The following LMTK2 variants were observed in gnomAD, a reference collection of about 807,000 sequenced individuals.
LMTK2 encodes serine/threonine-protein kinase LMTK2.
Under a neutral mutation model 127.5 loss-of-function variants are expected in LMTK2, and 37 were observed. That is an observed-to-expected ratio of 0.29 (90% CI 0.22 to 0.38). The LOEUF (loss-of-function observed/expected upper bound fraction) is 0.38, where lower values mean the gene tolerates loss of function less well. Among genes scored for constraint, LMTK2 ranks in the 10% least tolerant of loss-of-function variants. LMTK2 has a pLI of 1.00. For synonymous variants in LMTK2, 819 were observed against 810.1 expected (o/e 1.01, Z -0.19); for missense variants, 1,694 against 1,920.3 (o/e 0.88, Z 2.20).
intron 11 of LMTK2, among the ~76,000 whole-genome samples, chr7:98,202,760 T>G (rs1047287702): frequency 6.6e-6 from 1 of 152,150 alleles, no homozygotes; most frequent in South Asian, 2.1e-4. Flanking sequence ...CAGAGTCAGA[T>G]CTACCACACA....
rs34715220 is a variant in LMTK2 at position 98,157,640 on chromosome 7, TAA to T, written c.570-1678_570-1677del. 9.2e-3 allele frequency among the ~76,000 whole-genome samples: 1,052 copies of T among 114,310 alleles called. 11 individuals are homozygous for T. The highest frequency in any genetic ancestry group is 0.022 in the African/African-American group (643 of 29,616). The allele number at this position is 114,310 out of a possible 152,430, so 75.0% of individuals were successfully genotyped here. The stretch of plus-strand genomic sequence containing the variant: ...ATTTCCTGGAGCACTGCTCCCACAT[TAA>T]AAAAAAAAAAAAAAAAAAATGAACC... On this transcript the variant is annotated intron_variant, in intron 5 of 13. Transcript: ENST00000297293.
At position 98,136,669 on chromosome 7, in the gene LMTK2, C is replaced by G. The variant is rs528836273; in HGVS notation, c.104-646C>G. On this transcript the variant is annotated intron_variant, in intron 1 of 13. Coordinates refer to ENST00000297293, the MANE Select transcript of LMTK2 (RefSeq NM_014916.4). The stretch of plus-strand genomic sequence containing the variant: ...GCCCATGGGATCAAAGTCACCTCAC[C>G]AGGCATAGGTCATGCGCCCTGCTGT... Among the ~76,000 whole-genome samples, 44 of 152,306 alleles carry G rather than the reference C, an allele frequency of 2.9e-4. No homozygotes were observed. In the East Asian group the frequency reaches 8.1e-3, roughly 28 times the overall value.
rs1797747858 is a variant in LMTK2, at chr7:98,203,928, TA to T, written c.4241-15del. On this transcript the variant is annotated splice_polypyrimidine_tract_variant and intron_variant, in intron 12 of 13. Transcript: ENST00000297293. ...CGCAGTGATAAAAAGGGTGGGGTTT[TA>T]TTTTTTATTTCTAGGTGGTGGCTTT... 1 of 1,612,194 alleles carries T rather than the reference TA, an allele frequency of 6.2e-7. No homozygotes were observed. Among genetic ancestry groups the T allele is most frequent in the Admixed American group, 1.7e-5 (1 of 59,622 alleles).
At position 98,186,754 on chromosome 7, in the gene LMTK2, T is replaced by G. The variant is rs1384117614; in HGVS notation, c.877-123T>G. On this transcript the variant is annotated intron_variant, in intron 8 of 13. Coordinates refer to ENST00000297293, the MANE Select transcript of LMTK2 (RefSeq NM_014916.4). The stretch of plus-strand genomic sequence containing the variant: ...CCAGAAAGTCACTCTTCATGCCTGC[T>G]TTTTTTTCTGACCTGGTTTTTGGAT... 7.2e-6 allele frequency: 6 copies of G among 836,260 alleles called. No homozygotes were observed. The Admixed American group carries it at 1.8e-4, about 26-fold the overall frequency. 51.8% of individuals were successfully genotyped at this position (836,260 alleles called of 1,614,324 possible). A position where few individuals can be genotyped will look rare whatever the true frequency, so the allele number is the denominator to read the frequency against.
At chr7:98,191,578 G>C in intron 10 of LMTK2, 36 bp from the exon 11 acceptor site, 1 of 1,471,006 alleles carries the variant, frequency 6.8e-7, no homozygotes, top group Non-Finnish European at 9.1e-7. Flanking sequence ...AAAAATTCGT[G>C]ATGGTTCCAC....
intron 4 of LMTK2, among the ~76,000 whole-genome samples, chr7:98,153,141 G>C (rs1796880915): frequency 6.6e-6 from 1 of 152,206 alleles, no homozygotes; most frequent in Non-Finnish European, 1.5e-5. Flanking sequence ...CCAAGTAGCT[G>C]AACTGGAAAT....
intron 9 of LMTK2, among the ~76,000 whole-genome samples, chr7:98,187,350 T>C (rs1797451831): frequency 6.6e-6 from 1 of 152,180 alleles, no homozygotes; most frequent in Non-Finnish European, 1.5e-5. Context: ...ATGTTTATAC[T>C]ATGATTTATA....
chr7:98,145,739 T>C (rs1370117744), intron 3 of LMTK2, among the ~76,000 whole-genome samples: 1 of 152,204 alleles, frequency 6.6e-6, no homozygotes, highest in African/African-American at 2.4e-5. Flanking sequence ...ATTACAAATA[T>C]TTCTCAAATT....
In LMTK2 at chr7:98,191,655, G is replaced by C; in HGVS notation, c.1190G>C (p.Arg397Thr). ...TTCTGTTGGCTGTCACCAGAAAAGA[G>C]ACCCGCGGCTGAAGATGTGCACAGG... ...LQFCWLSPEK[R>T]PAAEDVHRLL... The change falls in exon 11 of 14, where the codon AGA becomes ACA. Residue 397 changes from arginine (R) to threonine (T), a missense_variant. Physicochemically the swap from Arg to Thr is moderately conservative, Grantham distance 71. Transcript: ENST00000297293. The C allele has an allele frequency of 6.2e-7, 1 of 1,612,930 alleles. No homozygotes were observed. The highest frequency in any genetic ancestry group is 8.5e-7 in the Non-Finnish European group (1 of 1,179,362).
At chr7:98,162,778 C>G (rs1444048995) in intron 6 of LMTK2, among the ~76,000 whole-genome samples, 1 of 152,154 alleles carries the variant, frequency 6.6e-6, no homozygotes, top group East Asian at 1.9e-4. Flanking sequence ...GGGATATATA[C>G]AAAAGAAGTG....
At chr7:98,121,198 GC>G (rs748224761) in intron 1 of LMTK2, among the ~76,000 whole-genome samples, 6 of 152,206 alleles carry the variant, frequency 3.9e-5, no homozygotes, top group Non-Finnish European at 7.3e-5. Context: ...CGATGCGCAT[GC>G]ACACACGGAG....
At chr7:98,158,083 A>C (rs561306400) in intron 5 of LMTK2, among the ~76,000 whole-genome samples, 3 of 152,230 alleles carry the variant, frequency 2.0e-5, no homozygotes, top group African/African-American at 7.2e-5. Context: ...AATTGTATCA[A>C]AATAAAGGGT....
At chr7:98,112,961 A>G (rs554007688) in intron 1 of LMTK2, among the ~76,000 whole-genome samples, 43 of 152,240 alleles carry the variant, frequency 2.8e-4, no homozygotes, top group African/African-American at 9.9e-4. Flanking sequence ...GGCTCAAGCA[A>G]TCCTCCTGCC....
rs773447696 is a variant in LMTK2, at chr7:98,204,194, G to A, written c.4483+8G>A. On this transcript the variant is annotated splice_region_variant and intron_variant, in intron 13 of 13. Transcript: ENST00000297293. ...CGGACATCGAGCAGGGCGGTGAGAG[G>A]CGCTGCGTGCTGGGGATTGGGAGTG... is the stretch of plus-strand genomic sequence containing the variant. The A allele has an allele frequency of 2.5e-6, 4 of 1,602,542 alleles. No homozygotes were observed. In the Admixed American group the frequency reaches 5.0e-5, roughly 20 times the overall value.
In LMTK2 at chr7:98,209,181, A is replaced by G. The variant is rs900977760; in HGVS notation, c.*3689A>G. On this transcript the variant is annotated 3_prime_UTR_variant, in exon 14 of 14. Transcript: ENST00000297293. ...TGGAAATCTCCAAAACAATATTCCTAAGTAGCAATGGGGTTGGCTCAAGTC... is the reference window on the plus strand; with the variant it reads ...TGGAAATCTCCAAAACAATATTCCTGAGTAGCAATGGGGTTGGCTCAAGTC... 1.3e-5 allele frequency: 2 copies of G among 152,226 alleles called. No homozygotes were observed. Among genetic ancestry groups the G allele is most frequent in the African/African-American group, 4.8e-5 (2 of 41,448 alleles). 9.4% of individuals were successfully genotyped at this position (152,226 alleles called of 1,614,324 possible).
chr7:98,178,858 CT>C (rs559861178), intron 7 of LMTK2, among the ~76,000 whole-genome samples: 23 of 152,328 alleles, frequency 1.5e-4, no homozygotes, highest in Non-Finnish European at 2.8e-4. Flanking sequence ...CAAGTGCAAC[CT>C]GTTGTTTCGT....
chr7:98,167,633 A>C (rs760377778), intron 6 of LMTK2, among the ~76,000 whole-genome samples: 1 of 152,226 alleles, frequency 6.6e-6, no homozygotes, highest in Admixed American at 6.5e-5. Context: ...CGGCGATGCC[A>C]CTTACTGAGA....
In LMTK2 at chr7:98,122,853, C is replaced by T. The variant is rs566983804; in HGVS notation, c.104-14462C>T. ...TTTTAAACATGCTTTTCTCCTCTGC[C>T]TTCCATGGTAGTATGCCTCCCTGTT... On this transcript the variant is annotated intron_variant, in intron 1 of 13. Transcript: ENST00000297293. Among the ~76,000 whole-genome samples the T allele has an allele frequency of 3.3e-5, 5 of 152,136 alleles. No homozygotes were observed. In the East Asian group the frequency reaches 5.8e-4, roughly 18 times the overall value.
chr7:98,113,760 C>G (rs979144879), intron 1 of LMTK2, among the ~76,000 whole-genome samples: 2 of 152,134 alleles, frequency 1.3e-5, no homozygotes, highest in African/African-American at 4.8e-5. Context: ...TATGAAGATA[C>G]TGTTGCAGAA....
Sources: allele counts gnomAD v4.1 joint callset (sites outside exome capture counted in the v4.1 genomes callset), GRCh38; gene constraint gnomAD v4.1.1; transcripts MANE v1.5; gene names NCBI Gene and HGNC (gene_info 2026-07-23, HGNC 2026-07-21).